CDKL3: variants seen among roughly 807,000 people sequenced by gnomAD.
CDKL3 encodes cyclin dependent kinase like 3, also known as cyclin-dependent kinase-like 3.
A neutral mutation model predicts 69.3 loss-of-function variants in CDKL3; 65 were observed. The observed-to-expected ratio is 0.94, with a 90% CI of 0.77 to 1.15. The LOEUF (loss-of-function observed/expected upper bound fraction) is 1.15, where lower values mean the gene tolerates loss of function less well. CDKL3 is among the 50% of genes most tolerant of loss of function. The pLI is 0.00. For synonymous variants in CDKL3, 202 were observed against 221.6 expected (o/e 0.91, Z 0.79); for missense variants, 652 against 689.2 (o/e 0.95, Z 0.61).
chr5:134,291,375 AAAAAGAGAAGAGGTCT>A (rs2149404369), intron 8 of CDKL3, among the ~76,000 whole-genome samples: 1 of 152,352 alleles, frequency 6.6e-6, no homozygotes, highest in South Asian at 2.1e-4. Context: ...AGTATAGACA[AAAAAGAGAAGAGGTCT>A]AAGAAGTGAA....
chr5:134,289,044 C>T (rs1765001823), intron 8 of CDKL3, among the ~76,000 whole-genome samples: 1 of 151,038 alleles, frequency 6.6e-6, no homozygotes, highest in African/African-American at 2.4e-5. Context: ...CACCTGTACT[C>T]CCAACTATTC....
chr5:134,323,173 T>C (rs1773243876), intron 4 of CDKL3, among the ~76,000 whole-genome samples: 3 of 152,202 alleles, frequency 2.0e-5, no homozygotes, highest in African/African-American at 7.2e-5. Context: ...AAGCTTTATG[T>C]AGAGTCAATA....
chr5:134,363,292 T>C (rs1774327434), intron 2 of CDKL3, among the ~76,000 whole-genome samples: 1 of 151,992 alleles, frequency 6.6e-6, no homozygotes, highest in Non-Finnish European at 1.5e-5. Flanking sequence ...AATAGAGCTG[T>C]TCTATTTATT....
At chr5:134,323,019 G>T (rs1426969290) in intron 4 of CDKL3, among the ~76,000 whole-genome samples, 1 of 151,730 alleles carries the variant, frequency 6.6e-6, no homozygotes, top group African/African-American at 2.4e-5. Context: ...CTATCTATAT[G>T]TGCTGAAATG....
At chr5:134,362,105 T>G (rs543763613) in intron 2 of CDKL3, among the ~76,000 whole-genome samples, 2 of 152,340 alleles carry the variant, frequency 1.3e-5, no homozygotes, top group East Asian at 3.9e-4. Context: ...ATGAAATCCC[T>G]AGAAATGCTC....
chr5:134,360,396 G>A (rs1299759495), intron 2 of CDKL3, among the ~76,000 whole-genome samples: 2 of 149,434 alleles, frequency 1.3e-5, no homozygotes, highest in African/African-American at 4.9e-5. Context: ...GTAGAAACAG[G>A]GTTTCACCAT....
chr5:134,364,047 T>C (rs1168731099), intron 2 of CDKL3, among the ~76,000 whole-genome samples: 1 of 151,764 alleles, frequency 6.6e-6, no homozygotes, highest in African/African-American at 2.4e-5. Flanking sequence ...GAAAATATTA[T>C]TTTTGTATCA....
chr5:134,366,836 TG>T, intron 1 of CDKL3, 140 bp downstream of exon 1: 1 of 928,784 alleles, frequency 1.1e-6, no homozygotes, highest in Non-Finnish European at 1.3e-6. Context: ...CCATCAAGCA[TG>T]GGGTCCCTAC....
chr5:134,366,561 A>T lies in CDKL3; in HGVS notation c.-21-17T>A, dbSNP rs377660578. 6.8e-7 allele frequency: 1 copy of T among 1,474,470 alleles called. No homozygotes were observed. The highest frequency in any genetic ancestry group is 1.4e-5 in the African/African-American group (1 of 70,248). The allele number at this position is 1,474,470 out of a possible 1,614,324, so 91.3% of individuals were successfully genotyped here. ...CTTTTACTACTTTATAGAAATAAAGAAAGAAAATGGAAAATGTTAAACGTT... is the reference window on the plus strand; with the variant it reads ...CTTTTACTACTTTATAGAAATAAAGTAAGAAAATGGAAAATGTTAAACGTT... On this transcript the variant is annotated splice_polypyrimidine_tract_variant and intron_variant, in intron 1 of 12. Transcript: ENST00000265334.
chr5:134,317,392 G>A (rs1379034393), intron 6 of CDKL3, among the ~76,000 whole-genome samples: 1 of 152,024 alleles, frequency 6.6e-6, no homozygotes, highest in African/African-American at 2.4e-5. Flanking sequence ...CACCTCAGGT[G>A]ATCCACCCGC....
intron 4 of CDKL3, among the ~76,000 whole-genome samples, chr5:134,346,307 C>T (rs758757104): frequency 6.6e-6 from 1 of 152,210 alleles, no homozygotes; most frequent in Non-Finnish European, 1.5e-5. Flanking sequence ...TGTTTCTCTA[C>T]ACCTATCCAC....
intron 4 of CDKL3, among the ~76,000 whole-genome samples, chr5:134,326,055 G>A (rs1774120012): frequency 1.3e-5 from 2 of 151,486 alleles, no homozygotes; most frequent in African/African-American, 2.4e-5. Flanking sequence ...TTACAGGCGT[G>A]AGCCACTGCA....
chr5:134,360,815 T>C (rs948200796), intron 2 of CDKL3, among the ~76,000 whole-genome samples: 17 of 152,334 alleles, frequency 1.1e-4, no homozygotes, highest in African/African-American at 4.1e-4. Flanking sequence ...TTTATATAAA[T>C]TAATTATTCT....
chr5:134,297,943 TG>T (rs1561487862), downstream of CDKL3, among the ~76,000 whole-genome samples: 22 of 140,026 alleles, frequency 1.6e-4, no homozygotes, highest in African/African-American at 5.2e-4. Flanking sequence ...TGTGTGTGTG[TG>T]TGTTTTGAGA....
chr5:134,285,108 C>T (rs576423578), downstream of CDKL3, among the ~76,000 whole-genome samples: 16 of 152,290 alleles, frequency 1.1e-4, no homozygotes, highest in Admixed American at 2.6e-4. Flanking sequence ...TCAGCCGGTC[C>T]CTCCGTTCGG....
At chr5:134,287,356 G>A (rs1016372257) in intron 8 of CDKL3, among the ~76,000 whole-genome samples, 1 of 152,068 alleles carries the variant, frequency 6.6e-6, no homozygotes, top group Non-Finnish European at 1.5e-5. Flanking sequence ...ATTCTTCAAG[G>A]GGTGTTAAAC....
chr5:134,363,273 T>G (rs982016637), intron 2 of CDKL3, among the ~76,000 whole-genome samples: 11 of 152,086 alleles, frequency 7.2e-5, no homozygotes, highest in African/African-American at 2.7e-4. Flanking sequence ...TCACTTTTCA[T>G]TGTCTAGAAA....
Position 134,319,241 on chromosome 5 carries a change from G to C in CDKL3, c.792+117C>G. 5.7e-6 allele frequency: 4 copies of C among 702,536 alleles called. No homozygotes were observed. The South Asian group carries it at 1.0e-4, about 18-fold the overall frequency. 43.5% of individuals were successfully genotyped at this position (702,536 alleles called of 1,614,324 possible). A position where few individuals can be genotyped will look rare whatever the true frequency, so the allele number is the denominator to read the frequency against. On this transcript the variant is annotated intron_variant, in intron 6 of 12. Transcript: ENST00000265334. ...AACTACTCGGAAGGCTGAGGCAGGA[G>C]AATCTCATGACCTGGGAGTCAGAGG...
intron 4 of CDKL3, among the ~76,000 whole-genome samples, chr5:134,323,471 T>G (rs1773325768): frequency 6.6e-6 from 1 of 152,200 alleles, no homozygotes; most frequent in African/African-American, 2.4e-5. Context: ...GACTTCAAGA[T>G]GTTTTATACA....
Sources: allele counts gnomAD v4.1 joint callset (sites outside exome capture counted in the v4.1 genomes callset), GRCh38; gene constraint gnomAD v4.1.1; transcripts MANE v1.5; gene names NCBI Gene and HGNC (gene_info 2026-07-23, HGNC 2026-07-21).